Variants in TTLL8 observed in about 807,000 individuals in gnomAD.
The protein encoded by TTLL8 is protein monoglycylase TTLL8.
Under a neutral mutation model 77.8 loss-of-function variants are expected in TTLL8, and 65 were observed. The observed-to-expected ratio is 0.84, with a 90% CI of 0.68 to 1.03. The LOEUF is 1.03. Ranked by LOEUF, TTLL8 falls within the 50% of genes least tolerant of loss-of-function variation. The pLI is 0.00. For synonymous variants in TTLL8, 402 were observed against 422.8 expected (o/e 0.95, Z 0.60); for missense variants, 910 against 1,004.5 (o/e 0.91, Z 1.27).
upstream of TTLL8, among the ~76,000 whole-genome samples, chr22:50,055,994 G>T (rs1340856440): frequency 2.0e-5 from 3 of 152,214 alleles, no homozygotes; most frequent in East Asian, 5.8e-4. Flanking sequence ...ACAGGTTGCT[G>T]TAAAGCTGGC....
chr22:50,049,915 G>T, intron 2 of TTLL8, 194 bp downstream of exon 4: 1 of 373,540 alleles, frequency 2.7e-6, no homozygotes, highest in Non-Finnish European at 3.7e-6. Flanking sequence ...AGGGCTGGGG[G>T]CTTGAAAGGG....
At chr22:50,025,332 A>G (rs2061225297) in intron 12 of TTLL8, among the ~76,000 whole-genome samples, 1 of 151,650 alleles carries the variant, frequency 6.6e-6, no homozygotes, top group Non-Finnish European at 1.5e-5. Flanking sequence ...AAAACCACAG[A>G]CTGGGAGGAA....
chr22:50,044,657 G>A lies in TTLL8; in HGVS notation c.643+598C>T, dbSNP rs965127850. 2.0e-5 allele frequency among the ~76,000 whole-genome samples: 3 copies of A among 152,340 alleles called. No individual in the cohort carries two copies. Among genetic ancestry groups the A allele is most frequent in the East Asian group, 1.9e-4 (1 of 5,190 alleles). ...ATGTTCATCTGTCAACAGTCGAAGC[G>A]CACTGCTCTGGTGGGGGATGTTGGC... On this transcript the variant is annotated intron_variant, in intron 6 of 13. Coordinates refer to ENST00000266182, the Ensembl canonical transcript of TTLL8. The surrounding 1 kb of genome is among the most constrained non-coding windows in gnomAD (Gnocchi z 4.2).
chr22:50,053,347 T>C (rs978063390), intron 1 of TTLL8, among the ~76,000 whole-genome samples: 2 of 151,918 alleles, frequency 1.3e-5, no homozygotes, highest in Non-Finnish European at 2.9e-5. Context: ...TCGACCACAA[T>C]GCAATCAAGC....
chr22:50,040,727 C>G (rs2061365296), intron 8 of TTLL8, among the ~76,000 whole-genome samples: 2 of 152,174 alleles, frequency 1.3e-5, no homozygotes, highest in South Asian at 4.1e-4. Context: ...AAGAAAGAGA[C>G]AAAAGAATAA....
chr22:50,057,842 G>T (rs541286754), upstream of TTLL8, among the ~76,000 whole-genome samples: 1 of 151,936 alleles, frequency 6.6e-6, no homozygotes, highest in South Asian at 2.1e-4. Flanking sequence ...AGGCAGAGGG[G>T]AGTGGACAGC....
chr22:50,018,668 T>A (rs2061178979), intron 12 of TTLL8, among the ~76,000 whole-genome samples: 1 of 152,260 alleles, frequency 6.6e-6, no homozygotes, highest in Admixed American at 6.5e-5. Context: ...GAGTGATGGC[T>A]GACTCTGCTG....
At chr22:50,045,319 G>A in exon 6 of TTLL8, 2 of 1,364,978 alleles carry the variant, frequency 1.5e-6, no homozygotes, top group South Asian at 1.1e-5. Context: ...TGCTTCTGCT[G>A]CTCCTGCTGC....
intron 5 of TTLL8, 47 bp from the exon 8 acceptor site, chr22:50,045,436 G>T: frequency 1.5e-6 from 2 of 1,352,812 alleles, no homozygotes; most frequent in Non-Finnish European, 2.0e-6. Context: ...GCCAGGACTG[G>T]GGACTGGAGA....
At chr22:50,053,670 A>C (rs1434732079) in intron 1 of TTLL8, among the ~76,000 whole-genome samples, 8 of 152,228 alleles carry the variant, frequency 5.3e-5, no homozygotes, top group Admixed American at 3.3e-4. Context: ...CCCAAAGGAC[A>C]GTGAGAGAAA....
In TTLL8 at chr22:50,041,741, AC is replaced by A. The variant is rs1430632846; in HGVS notation, c.709del (p.Val237CysfsTer32). The A allele has an allele frequency of 2.9e-6, 4 of 1,365,624 alleles. No individual in the cohort carries two copies. The highest frequency in any genetic ancestry group is 3.9e-6 in the Non-Finnish European group (4 of 1,021,182). 84.6% of individuals were successfully genotyped at this position (1,365,624 alleles called of 1,614,324 possible). On this transcript the variant is annotated frameshift_variant, in exon 7 of 14. Transcript: ENST00000266182. LOFTEE classifies it high-confidence loss of function. This position sits in a 1 kb window ranked among gnomAD's most constrained non-coding sequence, Gnocchi z 4.3. ...CAGCTGCCCCAGGTAGGCCTGGCACACCTTGCACGCGATGTCCACAAGCTGC... is the reference window on the plus strand; with the variant it reads ...CAGCTGCCCCAGGTAGGCCTGGCACACTTGCACGCGATGTCCACAAGCTGC...
At chr22:50,039,737 C>T (rs898126683) in intron 8 of TTLL8, among the ~76,000 whole-genome samples, 2 of 149,060 alleles carry the variant, frequency 1.3e-5, no homozygotes, top group Non-Finnish European at 1.5e-5. Context: ...ACTGACCCCA[C>T]GTGTATCAGT....
At chr22:50,052,583 C>G (rs1398272981) in intron 1 of TTLL8, among the ~76,000 whole-genome samples, 1 of 151,952 alleles carries the variant, frequency 6.6e-6, no homozygotes, top group Non-Finnish European at 1.5e-5. Context: ...GGCAAAGAGA[C>G]CATCAAACAC....
At chr22:50,036,023 C>T (rs939187646) in intron 8 of TTLL8, among the ~76,000 whole-genome samples, 1 of 152,228 alleles carries the variant, frequency 6.6e-6, no homozygotes, top group South Asian at 2.1e-4. Flanking sequence ...CAGGAGCTGG[C>T]AAAGTCCAGG....
chr22:50,047,310 A>G lies in TTLL8; in HGVS notation c.265-14T>C. The G allele has an allele frequency of 1.5e-6, 2 of 1,367,326 alleles. No individual in the cohort carries two copies. 84.7% of individuals were successfully genotyped at this position (1,367,326 alleles called of 1,614,324 possible). On this transcript the variant is annotated splice_polypyrimidine_tract_variant and intron_variant, in intron 3 of 13. Coordinates refer to ENST00000266182, the Ensembl canonical transcript of TTLL8. ...TACCAACCTAGACTGGCAAGAAAAA[A>G]GTCTTTATTGATGCCCAGCATTCAA...
upstream of TTLL8, among the ~76,000 whole-genome samples, chr22:50,055,715 AG>A (rs1268558859): frequency 6.7e-6 from 1 of 150,248 alleles, no homozygotes; most frequent in Admixed American, 6.6e-5. Context: ...GCATATTCTG[AG>A]GGGTGCTATC....
intron 8 of TTLL8, among the ~76,000 whole-genome samples, chr22:50,035,932 A>G (rs1271125190): frequency 6.6e-6 from 1 of 152,224 alleles, no homozygotes; most frequent in Non-Finnish European, 1.5e-5. Flanking sequence ...TGTACGCGCC[A>G]CTGTGTTGCC....
chr22:50,056,939 G>A (rs773874208), upstream of TTLL8: 6 of 1,289,612 alleles, frequency 4.7e-6, no homozygotes, highest in African/African-American at 3.0e-5. This position sits in a 1 kb window ranked among gnomAD's most constrained non-coding sequence, Gnocchi z 4.1. Flanking sequence ...GTTCCATACT[G>A]GCCTCCGACA....
At chr22:50,030,324 G>A (rs955539029) in intron 12 of TTLL8, 106 bp downstream of exon 13, 1 of 1,137,148 alleles carries the variant, frequency 8.8e-7, no homozygotes, top group Non-Finnish European at 1.1e-6. Flanking sequence ...CAGCACCGAA[G>A]CCTGCCCTGC....
Sources: gnomAD v4.1 joint callset for allele counts (sites outside exome capture counted in the v4.1 genomes callset) on GRCh38, gnomAD v4.1.1 for gene constraint, Gnocchi (gnomAD v3.1) non-coding constraint, MANE v1.5 for transcripts, NCBI Gene and HGNC (gene_info 2026-07-23, HGNC 2026-07-21) for gene names.